The following TTC39C variants were observed in gnomAD, a reference collection of about 807,000 sequenced individuals.
The protein encoded by TTC39C is tetratricopeptide repeat protein 39C.
Under a neutral mutation model 76.3 loss-of-function variants are expected in TTC39C, and 33 were observed. That is an observed-to-expected ratio of 0.43 (90% confidence interval 0.33 to 0.58). The LOEUF is 0.58. Among genes scored for constraint, TTC39C ranks in the 20% least tolerant of loss-of-function variants. The pLI is 0.04. For missense variants in TTC39C, 595 were observed against 701.4 expected, an observed-to-expected ratio of 0.85 and a Z score of 1.71; for synonymous variants, 254 against 260.6, an observed-to-expected ratio of 0.97 and a Z score of 0.24.
In TTC39C at chr18:24,014,902, C is replaced by A. The variant is rs533026113; in HGVS notation, c.31C>A (p.Arg11=). 2.2e-5 allele frequency: 33 copies of A among 1,495,012 alleles called. No individual in the cohort carries two copies. In the East Asian group the frequency reaches 8.0e-4, roughly 36 times the overall value. 92.6% of individuals were successfully genotyped at this position (1,495,012 alleles called of 1,614,324 possible). A position where few individuals can be genotyped will look rare whatever the true frequency, so the allele number is the denominator to read the frequency against. The part of the protein sequence containing the change: MAGSEQQRPR[R]RDDGDSDAAA... ...CGGCTCGGAGCAGCAGCGGCCGCGG[C>A]GGCGGGACGACGGAGACTCGGACGC... The change falls in exon 1 of 14, where the codon CGG becomes AGG. Residue 11 remains arginine (R), a synonymous_variant. Transcript: ENST00000317571.
At chr18:24,014,596 G>T, upstream of TTC39C, 1 of 289,112 alleles carries the variant, frequency 3.5e-6, no homozygotes, top group Non-Finnish European at 6.1e-6. Context: ...CGCGCGAGTT[G>T]GGTGCTTCGG....
In TTC39C at chr18:24,003,468, G is replaced by A. The variant is rs939870937; in HGVS notation, c.-17+10430G>A. On this transcript the variant is annotated intron_variant, in intron 1 of 13. Transcript: ENST00000304621. ...CTTCCACAGCAGCTAGCATACAGTG[G>A]CTGGCACATAGTAGGTCCTCAAAAA... 2.6e-5 allele frequency among the ~76,000 whole-genome samples: 4 copies of A among 152,192 alleles called. No individual in the cohort carries two copies. The East Asian group carries it at 7.7e-4, about 29-fold the overall frequency.
intron 8 of TTC39C, 118 bp downstream of exon 8, chr18:24,118,350 C>G (rs780188009): frequency 3.0e-6 from 2 of 676,602 alleles, no homozygotes; most frequent in African/African-American, 1.8e-5. Flanking sequence ...CCACAGCCTT[C>G]CCCAGCATGT....
chr18:24,038,900 A>G (rs1189460548), intron 1 of TTC39C, among the ~76,000 whole-genome samples: 1 of 151,794 alleles, frequency 6.6e-6, no homozygotes, highest in Admixed American at 6.6e-5. Flanking sequence ...AAAGCCACCA[A>G]CCCTCCTGGA....
chr18:24,123,777 C>G (rs1032338746), intron 8 of TTC39C, 57 bp from the exon 9 acceptor site: 3 of 1,267,698 alleles, frequency 2.4e-6, no homozygotes, highest in Admixed American at 2.2e-5. Flanking sequence ...CTTCAGGTAT[C>G]CCTTATGGCA....
At chr18:24,126,643 A>AT (rs56130136) in intron 10 of TTC39C, among the ~76,000 whole-genome samples, 20,092 of 143,216 alleles carry the variant, frequency 0.14, 1,455 homozygotes, top group Middle Eastern at 0.29. Context: ...GTTCTTTTTA[A>AT]TTTTTTTTTT....
chr18:23,996,396 C>T (rs1448374418), intron 1 of TTC39C, among the ~76,000 whole-genome samples: 1 of 152,208 alleles, frequency 6.6e-6, no homozygotes, highest in African/African-American at 2.4e-5. Flanking sequence ...AGCCATTGCA[C>T]TTGTGCTAAT....
intron 2 of TTC39C, among the ~76,000 whole-genome samples, chr18:24,064,481 A>G (rs569800445): frequency 3.9e-5 from 6 of 152,348 alleles, no homozygotes; most frequent in African/African-American, 1.4e-4. Flanking sequence ...TCGAGGTAGA[A>G]AAAAAGTCTG....
chr18:24,091,371 G>A (rs79181411), intron 6 of TTC39C, among the ~76,000 whole-genome samples: 1 of 152,170 alleles, frequency 6.6e-6, no homozygotes, highest in African/African-American at 2.4e-5. Context: ...GAGCCCGGGG[G>A]ATGGAGGTTG....
chr18:24,027,231 G>A (rs1355246012), intron 1 of TTC39C, among the ~76,000 whole-genome samples: 2 of 151,908 alleles, frequency 1.3e-5, no homozygotes, highest in East Asian at 3.9e-4. Flanking sequence ...GGCAGAGCTT[G>A]CAGTGACCCG....
In TTC39C at chr18:24,133,310, C is replaced by T. The variant is rs1326569271; in HGVS notation, c.*736C>T. ...CCAGAAATAGTCATCTCCAGATTGTCTACAGAATGTTTCAAAGCGATGGAC... is the reference window on the plus strand; with the variant it reads ...CCAGAAATAGTCATCTCCAGATTGTTTACAGAATGTTTCAAAGCGATGGAC... On this transcript the variant is annotated 3_prime_UTR_variant, in exon 14 of 14. Coordinates refer to ENST00000317571, the MANE Select transcript of TTC39C (RefSeq NM_001135993.2). 3 of 152,292 alleles carry T rather than the reference C, an allele frequency of 2.0e-5. No individual in the cohort carries two copies. The highest frequency in any genetic ancestry group is 2.9e-5 in the Non-Finnish European group (2 of 68,012). 9.4% of individuals were successfully genotyped at this position (152,292 alleles called of 1,614,324 possible). A position where few individuals can be genotyped will look rare whatever the true frequency, so the allele number is the denominator to read the frequency against.
intron 1 of TTC39C, among the ~76,000 whole-genome samples, chr18:24,050,427 A>G (rs1480477509): frequency 6.6e-6 from 1 of 151,936 alleles, no homozygotes; most frequent in African/African-American, 2.4e-5. Flanking sequence ...GAAATTAGCC[A>G]GGCATGATGA....
chr18:24,000,824 C>A (rs2083305555), intron 1 of TTC39C, among the ~76,000 whole-genome samples: 3 of 152,182 alleles, frequency 2.0e-5, no homozygotes, highest in Admixed American at 2.0e-4. Flanking sequence ...CAGGGCCCCC[C>A]AAATTGTGTG....
chr18:23,995,998 T>G (rs1427649667), intron 1 of TTC39C, among the ~76,000 whole-genome samples: 1 of 152,240 alleles, frequency 6.6e-6, no homozygotes, highest in African/African-American at 2.4e-5. Flanking sequence ...CAAACGTTTT[T>G]CCAGAGTGGC....
intron 10 of TTC39C, 38 bp from the exon 11 acceptor site, chr18:24,128,848 A>G: frequency 6.5e-7 from 1 of 1,535,510 alleles, no homozygotes; most frequent in Non-Finnish European, 8.9e-7. Context: ...AAGTGAATGC[A>G]TTTGCTTACT....
intron 6 of TTC39C, among the ~76,000 whole-genome samples, chr18:24,104,424 A>ATTTTT (rs1245764646): frequency 7.9e-5 from 12 of 151,918 alleles, no homozygotes; most frequent in Admixed American, 2.0e-4. Flanking sequence ...TGCCTAGGAC[A>ATTTTT]TTTTTACCTT....
Position 24,118,216 on chromosome 18 carries a change from T to C in TTC39C, c.1170T>C (p.Tyr390=). Residue 390 remains tyrosine (Y), a synonymous_variant, in exon 8 of 14, where the codon TAT becomes TAC. Transcript: ENST00000317571. ...AGTCCAGGTGGTCCCAGTGCTATTA[T>C]GCCTACTTGACTGCAGGTGAGTCGC... is the stretch of plus-strand genomic sequence containing the variant. ...KNESRWSQCY[Y]AYLTAVCQGA... is the part of the protein sequence containing the mutation. 1 of 1,613,764 alleles carries C rather than the reference T, an allele frequency of 6.2e-7. No individual in the cohort carries two copies.
rs1250951581 is a variant in TTC39C at position 24,023,996 on chromosome 18, A to T, written c.167+8958A>T. Among the ~76,000 whole-genome samples, 31 of 3,950 alleles carry T rather than the reference A, an allele frequency of 7.8e-3. 2 individuals carry two copies. The highest frequency in any genetic ancestry group is 0.027 in the East Asian group (3 of 110). The allele number at this position is 3,950 out of a possible 152,430, so 2.6% of individuals were successfully genotyped here. ...TATATATATACATATATATATATAT[A>T]TATATATATATATATATATATTTTT... On this transcript the variant is annotated intron_variant, in intron 1 of 13. Coordinates refer to ENST00000317571, the MANE Select transcript of TTC39C (RefSeq NM_001135993.2).
intron 1 of TTC39C, among the ~76,000 whole-genome samples, chr18:24,037,568 G>T (rs1455980109): frequency 6.6e-6 from 1 of 152,216 alleles, no homozygotes; most frequent in Non-Finnish European, 1.5e-5. Flanking sequence ...CAGAGTCTCA[G>T]ATAGACCATC....
Sources: gnomAD v4.1 joint callset for allele counts (sites outside exome capture counted in the v4.1 genomes callset) on GRCh38, gnomAD v4.1.1 for gene constraint, MANE v1.5 for transcripts, NCBI Gene and HGNC (gene_info 2026-07-23, HGNC 2026-07-21) for gene names.